The following ANXA13 variants were observed in gnomAD, a reference collection of about 807,000 sequenced individuals.
The protein encoded by ANXA13 is annexin A13.
Under a neutral mutation model 46.6 loss-of-function variants are expected in ANXA13, and 36 were observed. The ratio of observed to expected loss-of-function variants is 0.77; its 90% CI spans 0.59 to 1.02. The LOEUF is 1.02. Ranked by LOEUF, ANXA13 falls within the 50% of genes least tolerant of loss-of-function variation. The probability of loss-of-function intolerance (pLI) is 0.00; values close to 1 mark genes in which losing one functional copy is unlikely to be tolerated. For missense variants in ANXA13, 417 were observed against 396.5 expected, an observed-to-expected ratio of 1.05 and a Z score of -0.44; for synonymous variants, 163 against 152.9, an observed-to-expected ratio of 1.07 and a Z score of -0.49.
At chr8:123,713,382 T>C (rs537101801) in intron 1 of ANXA13, among the ~76,000 whole-genome samples, 1 of 152,348 alleles carries the variant, frequency 6.6e-6, no homozygotes, top group South Asian at 2.1e-4. Context: ...GCATCCACAG[T>C]TACCTATGTC....
At position 123,709,279 on chromosome 8, in the gene ANXA13, G is replaced by C. The variant is rs189400509; in HGVS notation, c.91+3399C>G. ...GAGGAGACATTGTTATCCTCATTTTGTAGATGAGAACACAGGTTGCACATT... is the reference window on the plus strand; with the variant it reads ...GAGGAGACATTGTTATCCTCATTTTCTAGATGAGAACACAGGTTGCACATT... On this transcript the variant is annotated intron_variant, in intron 2 of 10. Transcript: ENST00000419625. 3.7e-4 allele frequency among the ~76,000 whole-genome samples: 57 copies of C among 152,214 alleles called. No homozygotes were observed. The East Asian group carries it at 0.011, about 28-fold the overall frequency.
At chr8:123,707,653 C>T (rs1393667646) in intron 2 of ANXA13, among the ~76,000 whole-genome samples, 1 of 152,024 alleles carries the variant, frequency 6.6e-6, no homozygotes, top group Non-Finnish European at 1.5e-5. Context: ...AATGAGAACA[C>T]ATGGACACAG....
rs778283233 is a variant in ANXA13, at chr8:123,681,213, C to T, written c.*27G>A. 1.3e-6 allele frequency: 2 copies of T among 1,584,412 alleles called. No individual in the cohort carries two copies. Among genetic ancestry groups the T allele is most frequent in the South Asian group, 2.3e-5 (2 of 86,334 alleles). ...GTGCTCTTGACAAAGGCGGTTCCAC[C>T]CTGTGTTCCTATTGCCCTGGCTTGG... On this transcript the variant is annotated 3_prime_UTR_variant, in exon 11 of 11. Coordinates refer to ENST00000419625, the MANE Select transcript of ANXA13 (RefSeq NM_004306.4).
At chr8:123,710,211 A>G (rs1223529970) in intron 2 of ANXA13, among the ~76,000 whole-genome samples, 8 of 152,246 alleles carry the variant, frequency 5.3e-5, no homozygotes, top group African/African-American at 1.4e-4. Context: ...ATCCACTTCT[A>G]TGTAAAAAAC....
chr8:123,718,722 A>G (rs1323000088), intron 1 of ANXA13, among the ~76,000 whole-genome samples: 1 of 152,208 alleles, frequency 6.6e-6, no homozygotes, highest in Non-Finnish European at 1.5e-5. Flanking sequence ...AAGGACATGA[A>G]TGATCCATTT....
rs1037069973 is a variant in ANXA13, at chr8:123,728,306, C to T, written c.15+9014G>A. On this transcript the variant is annotated intron_variant, in intron 1 of 10. Transcript: ENST00000419625. The stretch of plus-strand genomic sequence containing the variant: ...TAAACTTCCAGATATCCAATTACCA[C>T]TGTATTGCATCAACAAAAGAGAACT... 5 of 152,176 alleles carry T rather than the reference C, an allele frequency of 3.3e-5. No individual in the cohort carries two copies. The East Asian group carries it at 9.6e-4, about 29-fold the overall frequency. The allele number at this position is 152,176 out of a possible 1,614,324, so 9.4% of individuals were successfully genotyped here. A position where few individuals can be genotyped will look rare whatever the true frequency, so the allele number is the denominator to read the frequency against.
chr8:123,693,539 A>G lies in ANXA13; in HGVS notation c.540+172T>C, dbSNP rs193093576. ...TCAACCCCAGAGTATAAGAATAGGA[A>G]CCATTCATTTAGATTCATGGAGACT... On this transcript the variant is annotated intron_variant, in intron 7 of 10. Coordinates refer to ENST00000419625, the MANE Select transcript of ANXA13 (RefSeq NM_004306.4). 9.2e-5 allele frequency among the ~76,000 whole-genome samples: 14 copies of G among 152,330 alleles called. No homozygotes were observed. In the East Asian group the frequency reaches 2.7e-3, roughly 29 times the overall value.
At chr8:123,729,999 A>C (rs1814082412) in intron 1 of ANXA13, among the ~76,000 whole-genome samples, 1 of 152,096 alleles carries the variant, frequency 6.6e-6, no homozygotes. Flanking sequence ...ACCTGGAGTC[A>C]CTCTGTCGTC....
chr8:123,707,325 A>G (rs898276997), intron 2 of ANXA13, among the ~76,000 whole-genome samples: 2 of 152,188 alleles, frequency 1.3e-5, no homozygotes, highest in Admixed American at 6.5e-5. Flanking sequence ...GAAATCCTCC[A>G]TACTCTGATG....
Position 123,681,113 on chromosome 8 carries a change from A to G in ANXA13, c.*127T>C, listed in dbSNP as rs546334136. ...ACAGCTTGGCCTGGCTGCGCCACTT[A>G]AGCTGCCAAGAAAGTAATCCGGGAC... On this transcript the variant is annotated 3_prime_UTR_variant, in exon 11 of 11. Coordinates refer to ENST00000419625, the MANE Select transcript of ANXA13 (RefSeq NM_004306.4). The G allele has an allele frequency of 5.3e-6, 7 of 1,329,912 alleles. No homozygotes were observed. The African/African-American group carries it at 1.0e-4, about 19-fold the overall frequency. The allele number at this position is 1,329,912 out of a possible 1,614,324, so 82.4% of individuals were successfully genotyped here.
chr8:123,713,990 G>A (rs1034402860), intron 1 of ANXA13, among the ~76,000 whole-genome samples: 9 of 152,070 alleles, frequency 5.9e-5, no homozygotes, highest in Non-Finnish European at 1.2e-4. Context: ...CACGGCGCCC[G>A]GCATGTCCAT....
intron 8 of ANXA13, 30 bp downstream of exon 8, chr8:123,693,167 A>T (rs1235572079): frequency 6.3e-7 from 1 of 1,582,882 alleles, no homozygotes; most frequent in Non-Finnish European, 8.7e-7. Context: ...TTCAGAGTGA[A>T]CTCTTTTGCC....
rs1428190367 is a variant in ANXA13, at chr8:123,702,718, A to G, written c.110T>C (p.Ile37Thr). ...TGTCCTGCCCGATAAGATTTCAATG[A>G]TGGCTGCTTCATTGGTCCCTAAAAT... is the stretch of plus-strand genomic sequence containing the variant. The part of the protein sequence containing the change: ...CKGMGTNEAA[I>T]IEILSGRTSD... The change falls in exon 3 of 11, where the codon ATC becomes ACC. Residue 37 changes from isoleucine to threonine, a missense_variant. Ile to Thr is a moderately conservative substitution (Grantham distance 89, BLOSUM62 -1). Coordinates refer to ENST00000419625, the MANE Select transcript of ANXA13 (RefSeq NM_004306.4). 1 of 1,614,020 alleles carries G rather than the reference A, an allele frequency of 6.2e-7. No homozygotes were observed. Among genetic ancestry groups the G allele is most frequent in the Admixed American group, 1.7e-5 (1 of 60,004 alleles).
intron 8 of ANXA13, 142 bp downstream of exon 8, chr8:123,693,055 C>A: frequency 1.4e-6 from 1 of 735,532 alleles, no homozygotes; most frequent in Admixed American, 2.3e-5. Flanking sequence ...ATCAAATATT[C>A]CCTAGGTAGG....
At position 123,695,674 on chromosome 8, in the gene ANXA13, G is replaced by T. The variant is rs373966227; in HGVS notation, c.391+14C>A. 2.3e-4 allele frequency: 369 copies of T among 1,613,446 alleles called. 1 individual carries two copies. The highest frequency in any genetic ancestry group is 3.0e-4 in the Non-Finnish European group (351 of 1,179,536). ...AACATACTTTATCCAAAGCCAGAAT[G>T]AAAAGTCACTTACGCCTTTGGTAGG... On this transcript the variant is annotated intron_variant, in intron 5 of 10. Transcript: ENST00000419625.
intron 1 of ANXA13, among the ~76,000 whole-genome samples, chr8:123,729,791 G>A (rs1814077079): frequency 6.6e-6 from 1 of 152,162 alleles, no homozygotes; most frequent in Admixed American, 6.5e-5. Flanking sequence ...TGTTATTTAA[G>A]CCAAAGTGAG....
chr8:123,681,107 C>T lies in ANXA13; in HGVS notation c.*133G>A. The T allele has an allele frequency of 7.8e-7, 1 of 1,286,216 alleles. No homozygotes were observed. The highest frequency in any genetic ancestry group is 1.0e-6 in the Non-Finnish European group (1 of 953,252). 79.7% of individuals were successfully genotyped at this position (1,286,216 alleles called of 1,614,324 possible). ...ACTTACACAGCTTGGCCTGGCTGCG[C>T]CACTTAAGCTGCCAAGAAAGTAATC... is the stretch of plus-strand genomic sequence containing the variant. On this transcript the variant is annotated 3_prime_UTR_variant, in exon 11 of 11. Transcript: ENST00000419625.
At chr8:123,684,536 CTA>C (rs1385853421) in intron 10 of ANXA13, 72 bp downstream of exon 10, 1 of 1,045,846 alleles carries the variant, frequency 9.6e-7, no homozygotes, top group Non-Finnish European at 1.5e-6. Flanking sequence ...TTAATAGAAA[CTA>C]TTTGTTGATG....
chr8:123,689,257 TAA>T (rs1813191005), intron 8 of ANXA13, among the ~76,000 whole-genome samples: 1 of 147,960 alleles, frequency 6.8e-6, no homozygotes, highest in African/African-American at 2.5e-5. Flanking sequence ...ATATATATTA[TAA>T]TATATATAAT....
Sources: allele counts gnomAD v4.1 joint callset (sites outside exome capture counted in the v4.1 genomes callset), GRCh38; gene constraint gnomAD v4.1.1; transcripts MANE v1.5; gene names NCBI Gene and HGNC (gene_info 2026-07-23, HGNC 2026-07-21).